Variants in DCAF8 observed in about 807,000 individuals in gnomAD.
The protein encoded by DCAF8 is DDB1 and CUL4 associated factor 8, also known as DDB1- and CUL4-associated factor 8.
DCAF8 carries 20 observed loss-of-function variants against 68.0 expected under a neutral mutation model. The observed-to-expected ratio is 0.29, with a 90% CI of 0.21 to 0.43. The LOEUF is 0.43. Ranked by LOEUF, DCAF8 falls within the 20% of genes least tolerant of loss-of-function variation. The probability of loss-of-function intolerance (pLI) is 1.00; values close to 1 mark genes in which losing one functional copy is unlikely to be tolerated. For synonymous variants in DCAF8, 230 were observed against 276.9 expected (o/e 0.83, Z 1.68); for missense variants, 460 against 771.0 (o/e 0.60, Z 4.78).
At chr1:160,218,288 C>T (rs1290616885) in intron 13 of DCAF8, 36 bp downstream of exon 13, 1 of 1,541,466 alleles carries the variant, frequency 6.5e-7, no homozygotes, top group Admixed American at 1.7e-5. Context: ...TTAAAAGGGT[C>T]ACTCCCTTGG....
chr1:160,257,496 C>T (rs532649794), intron 2 of DCAF8, among the ~76,000 whole-genome samples: 10 of 152,198 alleles, frequency 6.6e-5, no homozygotes, highest in African/African-American at 2.4e-4. Context: ...CCTATTACTC[C>T]CCTGATAGAA....
chr1:160,244,171 C>T, intron 2 of DCAF8, 137 bp from the exon 3 acceptor site: 1 of 632,430 alleles, frequency 1.6e-6, no homozygotes, highest in South Asian at 2.1e-5. Context: ...CTTAACAGGT[C>T]TTCTCAGCTT....
rs937376316 is a variant in DCAF8, at chr1:160,232,610, C to T, written c.960-1203G>A. ...GGACCAAGATCGTGCCACTGCACTC[C>T]AGCCTGGGTGGCAGAGGGAGACTCT... On this transcript the variant is annotated intron_variant, in intron 6 of 13. Coordinates refer to ENST00000368074, the MANE Select transcript of DCAF8 (RefSeq NM_015726.4). 3.0e-4 allele frequency among the ~76,000 whole-genome samples: 46 copies of T among 150,980 alleles called. 1 individual carries two copies. Among genetic ancestry groups the T allele is most frequent in the Admixed American group, 2.7e-3 (41 of 15,152 alleles).
intron 4 of DCAF8, 33 bp from the exon 5 acceptor site, chr1:160,238,780 A>G: frequency 6.4e-7 from 1 of 1,570,478 alleles, no homozygotes; most frequent in Non-Finnish European, 8.6e-7. Context: ...AAGGACACAC[A>G]AAAGAAATGA....
intron 3 of DCAF8, among the ~76,000 whole-genome samples, chr1:160,242,178 G>A (rs563005125): frequency 6.6e-6 from 1 of 151,828 alleles, no homozygotes; most frequent in Admixed American, 6.6e-5. Flanking sequence ...CTGGGAGGTG[G>A]AGGCTGCAGT....
intron 2 of DCAF8, among the ~76,000 whole-genome samples, chr1:160,255,876 T>A (rs892869094): frequency 6.6e-6 from 1 of 152,052 alleles, no homozygotes; most frequent in African/African-American, 2.4e-5. Flanking sequence ...CGTCTCAGCC[T>A]CCCAAAATGC....
At chr1:160,217,743 G>T (rs531386535) in intron 13 of DCAF8, 35 bp from the exon 14 acceptor site, 2 of 1,544,154 alleles carry the variant, frequency 1.3e-6, no homozygotes, top group South Asian at 2.2e-5. Flanking sequence ...TAACTTCCCT[G>T]GATGGAACAA....
chr1:160,232,207 C>CA (rs1177026328), intron 6 of DCAF8, among the ~76,000 whole-genome samples: 107 of 139,754 alleles, frequency 7.7e-4, no homozygotes, highest in African/African-American at 1.7e-3. Flanking sequence ...AAGACTGTCT[C>CA]AAAAAAAAAA....
intron 10 of DCAF8, among the ~76,000 whole-genome samples, chr1:160,223,620 C>T (rs1301513202): frequency 6.6e-6 from 1 of 152,126 alleles, no homozygotes; most frequent in East Asian, 1.9e-4. Flanking sequence ...TAAAAGAACA[C>T]CAGGATTGGG....
intron 10 of DCAF8, among the ~76,000 whole-genome samples, chr1:160,223,827 G>A (rs1655378161): frequency 6.6e-6 from 1 of 152,220 alleles, no homozygotes; most frequent in Non-Finnish European, 1.5e-5. Context: ...GAGCCCGGGA[G>A]GTTGAGGCTG....
intron 3 of DCAF8, among the ~76,000 whole-genome samples, chr1:160,242,606 C>CAGT (rs1656161885): frequency 6.6e-6 from 1 of 152,150 alleles, no homozygotes; most frequent in South Asian, 2.1e-4. Flanking sequence ...AAGTCCCCAA[C>CAGT]AGTAAATCAC....
chr1:160,257,497 CCT>C (rs973182969), intron 2 of DCAF8, among the ~76,000 whole-genome samples: 8 of 152,150 alleles, frequency 5.3e-5, no homozygotes, highest in Non-Finnish European at 7.4e-5. Flanking sequence ...CTATTACTCC[CCT>C]GATAGAATAC....
chr1:160,259,586 T>C (rs1656984468), intron 2 of DCAF8, among the ~76,000 whole-genome samples: 1 of 152,086 alleles, frequency 6.6e-6, no homozygotes, highest in Admixed American at 6.6e-5. Flanking sequence ...CAGCCCTGAT[T>C]CACTTTTAAA....
rs1337527250 is a variant in DCAF8, at chr1:160,222,068, AT to A, written c.1440+582del. Among the ~76,000 whole-genome samples, 6 of 152,348 alleles carry A rather than the reference AT, an allele frequency of 3.9e-5. No homozygotes were observed. In the South Asian group the frequency reaches 1.2e-3, roughly 32 times the overall value. On this transcript the variant is annotated intron_variant, in intron 11 of 13. Transcript: ENST00000368074. ...ACACATGTATATGTGTTTGTTATCT[AT>A]TTGAATGTACGCATGACATTTCACC...
At chr1:160,222,512 C>A in intron 11 of DCAF8, 139 bp downstream of exon 11, 1 of 1,186,954 alleles carries the variant, frequency 8.4e-7, no homozygotes, top group Non-Finnish European at 1.2e-6. Context: ...CACCTCCAGG[C>A]TAACTAGTCT....
At chr1:160,224,361 A>G (rs955547274) in intron 10 of DCAF8, 81 bp downstream of exon 10, 5 of 1,048,332 alleles carry the variant, frequency 4.8e-6, no homozygotes, top group East Asian at 2.4e-5. Context: ...GGTAGTTTCT[A>G]TTTGTATAAC....
intron 2 of DCAF8, among the ~76,000 whole-genome samples, chr1:160,257,958 G>T (rs757377963): frequency 1.3e-5 from 2 of 152,208 alleles, no homozygotes; most frequent in Admixed American, 6.5e-5. Context: ...TGAACAACTA[G>T]GATCAAGTGA....
intron 4 of DCAF8, 149 bp downstream of exon 4, chr1:160,239,548 T>G: frequency 6.4e-7 from 1 of 1,567,904 alleles, no homozygotes; most frequent in African/African-American, 1.3e-5. Flanking sequence ...TTTCAGTGTA[T>G]TTAGGTCATT....
intron 6 of DCAF8, among the ~76,000 whole-genome samples, chr1:160,234,925 A>C (rs960960622): frequency 6.6e-6 from 1 of 152,192 alleles, no homozygotes; most frequent in Non-Finnish European, 1.5e-5. Context: ...CCCAAGCCTA[A>C]AACATTTCTA....
Sources: gnomAD v4.1 joint callset for allele counts (sites outside exome capture counted in the v4.1 genomes callset) on GRCh38, gnomAD v4.1.1 for gene constraint, MANE v1.5 for transcripts, NCBI Gene and HGNC (gene_info 2026-07-23, HGNC 2026-07-21) for gene names.